Variants in AKT3 observed in about 807,000 individuals in gnomAD.
The protein encoded by AKT3 is AKT serine/threonine kinase 3.
Under a neutral mutation model 65.3 loss-of-function variants are expected in AKT3, and 15 were observed. The ratio of observed to expected loss-of-function variants is 0.23; its 90% CI spans 0.15 to 0.35. AKT3 has a LOEUF of 0.35. AKT3 is among the 10% of genes least tolerant of loss of function. AKT3 has a pLI of 1.00. For missense variants in AKT3, 243 were observed against 576.5 expected (o/e 0.42, Z 5.92); for synonymous variants, 206 against 183.8 (o/e 1.12, Z -0.98).
In AKT3 at chr1:243,790,651, G is replaced by A. The variant is rs116846274; in HGVS notation, c.46+52474C>T. ...CCCTTTGCATTCACTTGGCTCAAGA[G>A]GACTAGCTTTTTGCCTGTCTTGGCT... On this transcript the variant is annotated intron_variant, in intron 2 of 13. Transcript: ENST00000673466. Among the ~76,000 whole-genome samples the A allele has an allele frequency of 1.2e-4, 18 of 152,288 alleles. 1 individual carries two copies. The East Asian group carries it at 3.5e-3, about 29-fold the overall frequency.
intron 2 of AKT3, among the ~76,000 whole-genome samples, chr1:243,810,609 T>C (rs913250025): frequency 2.6e-5 from 4 of 152,160 alleles, no homozygotes; most frequent in South Asian, 2.1e-4. Flanking sequence ...AAGGAAGAGC[T>C]GGCACCATTT....
intron 2 of AKT3, among the ~76,000 whole-genome samples, chr1:243,721,943 A>G (rs575375719): frequency 1.3e-5 from 2 of 152,284 alleles, no homozygotes; most frequent in East Asian, 3.9e-4. Context: ...TTTAAGTAAC[A>G]TAGACGTTAT....
chr1:243,601,180 A>T (rs1572009590), intron 8 of AKT3, among the ~76,000 whole-genome samples: 1 of 152,142 alleles, frequency 6.6e-6, no homozygotes, highest in East Asian at 1.9e-4. Context: ...ATAAAATGGG[A>T]GAAAATATTT....
chr1:243,744,282 A>T (rs1381211832), intron 2 of AKT3, among the ~76,000 whole-genome samples: 1 of 152,178 alleles, frequency 6.6e-6, no homozygotes, highest in East Asian at 1.9e-4. Context: ...GGTGGGACAT[A>T]GTGACTGTAA....
chr1:243,731,905 C>T (rs1164605534), intron 2 of AKT3, among the ~76,000 whole-genome samples: 1 of 152,188 alleles, frequency 6.6e-6, no homozygotes, highest in Non-Finnish European at 1.5e-5. Context: ...TGAAATGCCT[C>T]ATATGTAATT....
intron 2 of AKT3, chr1:243,735,054 A>G (rs1256424155): frequency 6.6e-6 from 1 of 152,206 alleles, no homozygotes; most frequent in Non-Finnish European, 1.5e-5. Flanking sequence ...GCCATCTCCA[A>G]TAACAACGCC....
At chr1:243,825,401 T>TA (rs994653789) in intron 2 of AKT3, among the ~76,000 whole-genome samples, 20 of 152,152 alleles carry the variant, frequency 1.3e-4, no homozygotes, top group African/African-American at 4.3e-4. Flanking sequence ...TCCCAGAACT[T>TA]AAAAAAATCA....
At chr1:243,624,980 G>T in intron 6 of AKT3, 1 of 327,436 alleles carries the variant, frequency 3.1e-6, no homozygotes, top group South Asian at 3.5e-5. Flanking sequence ...TAGTGACAAA[G>T]CCCATCCCTA....
At chr1:243,489,513 T>C (rs541397787) in intron 13 of AKT3, among the ~76,000 whole-genome samples, 7 of 152,232 alleles carry the variant, frequency 4.6e-5, no homozygotes, top group African/African-American at 1.7e-4. Flanking sequence ...CTGAAGGTCG[T>C]GTATGGTTTG....
At chr1:243,791,415 T>C (rs1382770874) in intron 2 of AKT3, among the ~76,000 whole-genome samples, 5 of 152,094 alleles carry the variant, frequency 3.3e-5, no homozygotes, top group Admixed American at 6.6e-5. Flanking sequence ...AGAACATACT[T>C]CTCTTTGCTT....
intron 2 of AKT3, among the ~76,000 whole-genome samples, chr1:243,784,609 C>T (rs1219362038): frequency 6.6e-6 from 1 of 152,202 alleles, no homozygotes; most frequent in Non-Finnish European, 1.5e-5. Context: ...CTCACATCCA[C>T]AGCCGGTGCA....
intron 1 of AKT3, among the ~76,000 whole-genome samples, chr1:243,847,620 C>G (rs1695573348): frequency 6.6e-6 from 1 of 152,166 alleles, no homozygotes; most frequent in African/African-American, 2.4e-5. Context: ...TCCTTACTTT[C>G]CACAAGTCTC....
At chr1:243,680,127 C>T (rs1683814214) in intron 3 of AKT3, among the ~76,000 whole-genome samples, 1 of 152,016 alleles carries the variant, frequency 6.6e-6, no homozygotes. Flanking sequence ...AAAGCAGTGC[C>T]ATTTTAAAAC....
intron 12 of AKT3, among the ~76,000 whole-genome samples, chr1:243,543,561 T>C (rs1672459207): frequency 6.6e-6 from 1 of 152,184 alleles, no homozygotes; most frequent in African/African-American, 2.4e-5. Flanking sequence ...CCATGCATGA[T>C]TTCTGGGAGA....
intron 13 of AKT3, among the ~76,000 whole-genome samples, chr1:243,505,603 T>C (rs530075042): frequency 6.6e-6 from 1 of 152,320 alleles, no homozygotes; most frequent in Admixed American, 6.5e-5. Flanking sequence ...AAAAATGGTA[T>C]TGAAGAAAAC....
intron 8 of AKT3, among the ~76,000 whole-genome samples, chr1:243,608,639 A>C (rs1259887877): frequency 6.7e-6 from 1 of 150,368 alleles, no homozygotes; most frequent in Non-Finnish European, 1.5e-5. Flanking sequence ...GGATTGTGCT[A>C]GTGTGAATTG....
chr1:243,734,151 C>A (rs149386106), intron 2 of AKT3, among the ~76,000 whole-genome samples: 1 of 152,270 alleles, frequency 6.6e-6, no homozygotes, highest in East Asian at 1.9e-4. Flanking sequence ...CTGTACCTCA[C>A]TGGCACTTCC....
At chr1:243,775,380 C>A (rs1264984134) in intron 2 of AKT3, among the ~76,000 whole-genome samples, 1 of 152,082 alleles carries the variant, frequency 6.6e-6, no homozygotes, top group Non-Finnish European at 1.5e-5. Context: ...TGGGGTTTTA[C>A]CTTATTAGCC....
intron 2 of AKT3, among the ~76,000 whole-genome samples, chr1:243,780,915 GTAAA>G (rs1446507363): frequency 1.3e-5 from 2 of 151,676 alleles, no homozygotes; most frequent in East Asian, 1.9e-4. Context: ...AAAAAAATAA[GTAAA>G]TAAACTTATG....
Sources: gnomAD v4.1 joint callset for allele counts (sites outside exome capture counted in the v4.1 genomes callset) on GRCh38, gnomAD v4.1.1 for gene constraint, MANE v1.5 for transcripts, NCBI Gene and HGNC (gene_info 2026-07-23, HGNC 2026-07-21) for gene names.